PAX5: variants seen among roughly 807,000 people sequenced by gnomAD.
PAX5 encodes the protein paired box protein Pax-5.
In PAX5, 9 loss-of-function variants were observed where a neutral mutation model predicts 43.7. The ratio of observed to expected loss-of-function variants is 0.21; its 90% CI spans 0.12 to 0.36. The LOEUF is 0.36. Among genes scored for constraint, PAX5 ranks in the 10% least tolerant of loss-of-function variants. The probability of loss-of-function intolerance (pLI) is 1.00; values close to 1 mark genes in which losing one functional copy is unlikely to be tolerated. For synonymous variants in PAX5, 228 were observed against 214.3 expected (o/e 1.06, Z -0.56); for missense variants, 383 against 532.7 (o/e 0.72, Z 2.77).
chr9:36,890,705 G>A (rs1444406555), intron 7 of PAX5, among the ~76,000 whole-genome samples: 1 of 152,174 alleles, frequency 6.6e-6, no homozygotes, highest in Non-Finnish European at 1.5e-5. Flanking sequence ...ATATGGCAGT[G>A]CCTGCTCGCT....
At chr9:37,026,055 C>T in intron 1 of PAX5, among the ~76,000 whole-genome samples, 1 of 152,220 alleles carries the variant, frequency 6.6e-6, no homozygotes, top group East Asian at 1.9e-4. Flanking sequence ...TAGCTCTCAA[C>T]CTCTTCCTCC....
At chr9:36,872,110 CA>C (rs1325466586) in intron 8 of PAX5, among the ~76,000 whole-genome samples, 4 of 152,208 alleles carry the variant, frequency 2.6e-5, no homozygotes, top group African/African-American at 9.7e-5. Flanking sequence ...GCACAAGCCC[CA>C]AAAGCCAGCC....
intron 5 of PAX5, among the ~76,000 whole-genome samples, chr9:36,991,942 A>T (rs1008086521): frequency 6.6e-6 from 1 of 152,038 alleles, no homozygotes; most frequent in African/African-American, 2.4e-5. Flanking sequence ...TTCCTCTCTC[A>T]ATTTTTCTCA....
intron 6 of PAX5, among the ~76,000 whole-genome samples, chr9:36,926,148 C>T (rs931780409): frequency 2.6e-5 from 4 of 152,178 alleles, no homozygotes; most frequent in South Asian, 2.1e-4. Context: ...TAAGTTCATA[C>T]AGCTTCTAGG....
intron 5 of PAX5, among the ~76,000 whole-genome samples, chr9:37,002,371 G>C (rs1837954615): frequency 6.6e-6 from 1 of 152,344 alleles, no homozygotes; most frequent in South Asian, 2.1e-4. Context: ...CCAAAGCTCA[G>C]GCCACAAGGG....
chr9:37,016,376 T>C lies in PAX5; in HGVS notation c.213-1182A>G, dbSNP rs78428265. ...GAAAATATCTGTTGTAAGTCAAAAC[T>C]CAAGCAATCGGAAAAACCAACCACA... On this transcript the variant is annotated intron_variant, in intron 2 of 9. Transcript: ENST00000358127. 2.8e-4 allele frequency among the ~76,000 whole-genome samples: 43 copies of C among 152,308 alleles called. 1 individual carries two copies. The East Asian group carries it at 6.9e-3, about 25-fold the overall frequency.
chr9:36,974,017 T>C (rs1444050935), intron 5 of PAX5, among the ~76,000 whole-genome samples: 1 of 151,688 alleles, frequency 6.6e-6, no homozygotes, highest in East Asian at 1.9e-4. Context: ...ATAATAATAA[T>C]AAAATTTAAA....
At chr9:36,956,565 A>T (rs527761577) in intron 6 of PAX5, among the ~76,000 whole-genome samples, 1 of 152,318 alleles carries the variant, frequency 6.6e-6, no homozygotes, top group South Asian at 2.1e-4. Flanking sequence ...TCACTATGGC[A>T]ATTTGCCCAG....
Position 36,844,026 on chromosome 9 carries a change from A to T in PAX5, c.1099+2817T>A, listed in dbSNP as rs57818793. ...TTTTTGTCCTCCTGGAGATTCTAGG[A>T]GTCCCAAATATCCCTTAATAAATTC... is the stretch of plus-strand genomic sequence containing the variant. On this transcript the variant is annotated intron_variant, in intron 9 of 9. Coordinates refer to ENST00000358127, the MANE Select transcript of PAX5 (RefSeq NM_016734.3). Among the ~76,000 whole-genome samples the T allele has an allele frequency of 8.0e-3, 1,222 of 152,294 alleles. 14 individuals are homozygous for T. Among genetic ancestry groups the T allele is most frequent in the African/African-American group, 0.028 (1,156 of 41,540 alleles).
intron 7 of PAX5, among the ~76,000 whole-genome samples, chr9:36,887,513 A>G (rs4581141): frequency 0.81 from 123,353 of 152,090 alleles, 50,625 homozygotes; most frequent in Admixed American, 0.87. Flanking sequence ...ACTGAGAAAT[A>G]AATGTAAAAA....
At chr9:36,964,809 T>C (rs1398843595) in intron 6 of PAX5, among the ~76,000 whole-genome samples, 1 of 151,966 alleles carries the variant, frequency 6.6e-6, no homozygotes, top group East Asian at 1.9e-4. Flanking sequence ...AGATCTAGAG[T>C]GTGTGGGGGC....
intron 7 of PAX5, among the ~76,000 whole-genome samples, chr9:36,895,020 C>T (rs551908995): frequency 3.3e-5 from 5 of 152,290 alleles, no homozygotes; most frequent in African/African-American, 9.6e-5. Context: ...GGAGTGGTGG[C>T]GAGGGCCGAG....
intron 9 of PAX5, among the ~76,000 whole-genome samples, chr9:36,844,965 C>T (rs1822423732): frequency 6.6e-6 from 1 of 152,236 alleles, no homozygotes; most frequent in Admixed American, 6.5e-5. Context: ...CTATCAACCT[C>T]TAGGAACCTT....
In PAX5 at chr9:36,834,423, T is replaced by A. The variant is rs1821499075; in HGVS notation, c.*6137A>T. 5.2e-6 allele frequency: 1 copy of A among 193,796 alleles called. No individual in the cohort carries two copies. The highest frequency in any genetic ancestry group is 9.3e-6 in the Non-Finnish European group (1 of 108,068). 12.0% of individuals were successfully genotyped at this position (193,796 alleles called of 1,614,324 possible). A position where few individuals can be genotyped will look rare whatever the true frequency, so the allele number is the denominator to read the frequency against. ...AGGTGTAGGGGAGTGAGTGAGTGTGTGTGTGTGTGTGTGTGTGTGTGTGTG... is the reference window on the plus strand; with the variant it reads ...AGGTGTAGGGGAGTGAGTGAGTGTGAGTGTGTGTGTGTGTGTGTGTGTGTG... On this transcript the variant is annotated 3_prime_UTR_variant, in exon 10 of 10. Coordinates refer to ENST00000358127, the MANE Select transcript of PAX5 (RefSeq NM_016734.3).
At chr9:36,841,329 A>G (rs1256923707) in intron 9 of PAX5, among the ~76,000 whole-genome samples, 1 of 152,238 alleles carries the variant, frequency 6.6e-6, no homozygotes, top group Non-Finnish European at 1.5e-5. Context: ...GGGTAGGCAC[A>G]GTTTAGCTCA....
At position 37,027,860 on chromosome 9, in the gene PAX5, G is replaced by C. The variant is rs555827189; in HGVS notation, c.46+6126C>G. Reference sequence around the variant, plus strand: ...AGCCCACAGGCTCCGCCTGATTAGCGGACACCTGGGCAATGGGAGAGAATG... The same window carrying C: ...AGCCCACAGGCTCCGCCTGATTAGCCGACACCTGGGCAATGGGAGAGAATG... On this transcript the variant is annotated intron_variant, in intron 1 of 9. Transcript: ENST00000358127. 2.6e-5 allele frequency among the ~76,000 whole-genome samples: 4 copies of C among 152,360 alleles called. No homozygotes were observed. In the East Asian group the frequency reaches 7.7e-4, roughly 29 times the overall value.
At chr9:36,934,210 T>C (rs1038387483) in intron 6 of PAX5, among the ~76,000 whole-genome samples, 1 of 152,206 alleles carries the variant, frequency 6.6e-6, no homozygotes, top group African/African-American at 2.4e-5. Context: ...CTTGGTACCT[T>C]TTCTCATTTG....
chr9:37,026,912 C>A (rs1443069099), intron 1 of PAX5, among the ~76,000 whole-genome samples: 1 of 152,204 alleles, frequency 6.6e-6, no homozygotes, highest in Non-Finnish European at 1.5e-5. Context: ...AGCGTAGGGG[C>A]CCGCCTCCGG....
At position 36,838,159 on chromosome 9, in the gene PAX5, C is replaced by T. The variant is rs1294201259; in HGVS notation, c.*2401G>A. On this transcript the variant is annotated 3_prime_UTR_variant, in exon 10 of 10. Coordinates refer to ENST00000358127, the MANE Select transcript of PAX5 (RefSeq NM_016734.3). ...TGGAGGTGGACTCTGGCCCCAACTA[C>T]CTCCCTTCTTTGCCCCGCAGGTTCT... 1 of 233,380 alleles carries T rather than the reference C, an allele frequency of 4.3e-6. No homozygotes were observed. The highest frequency in any genetic ancestry group is 8.5e-6 in the Non-Finnish European group (1 of 118,150). The allele number at this position is 233,380 out of a possible 1,614,324, so 14.5% of individuals were successfully genotyped here.
Sources: allele counts gnomAD v4.1 joint callset (sites outside exome capture counted in the v4.1 genomes callset), GRCh38; gene constraint gnomAD v4.1.1; transcripts MANE v1.5; gene names NCBI Gene and HGNC (gene_info 2026-07-23, HGNC 2026-07-21).